The following DLG2 variants were observed in gnomAD, a reference collection of about 807,000 sequenced individuals.
DLG2 encodes the protein disks large homolog 2.
In DLG2, 45 loss-of-function variants were observed where a neutral mutation model predicts 132.5. That is an observed-to-expected ratio of 0.34 (90% CI 0.27 to 0.44). DLG2 has a LOEUF of 0.44. Among genes scored for constraint, DLG2 ranks in the 20% least tolerant of loss-of-function variants. The pLI, the probability that DLG2 is intolerant of heterozygous loss-of-function variation, is 1.00. For missense variants in DLG2, 1,045 were observed against 1,196.9 expected (o/e 0.87, Z 1.87); for synonymous variants, 424 against 419.6 (o/e 1.01, Z -0.13).
intron 6 of DLG2, among the ~76,000 whole-genome samples, chr11:84,678,420 A>G (rs1338200225): frequency 1.3e-5 from 2 of 152,058 alleles, no homozygotes; most frequent in African/African-American, 2.4e-5. Context: ...GCCATTAAGG[A>G]AGTAGTATAT....
chr11:83,669,624 A>G (rs1209315364), intron 18 of DLG2, among the ~76,000 whole-genome samples: 2 of 152,152 alleles, frequency 1.3e-5, no homozygotes, highest in Non-Finnish European at 2.9e-5. Flanking sequence ...AAGTTTAACT[A>G]TTTTCATGTT....
At chr11:83,998,386 C>T (rs189328074) in intron 11 of DLG2, among the ~76,000 whole-genome samples, 1 of 152,258 alleles carries the variant, frequency 6.6e-6, no homozygotes, top group Non-Finnish European at 1.5e-5. Flanking sequence ...ACCAAAGAAC[C>T]AAAGTAGTGA....
At chr11:85,249,914 T>G (rs1035431118) in intron 4 of DLG2, among the ~76,000 whole-genome samples, 2 of 152,150 alleles carry the variant, frequency 1.3e-5, no homozygotes, top group African/African-American at 4.8e-5. Flanking sequence ...GGAGAATTTA[T>G]GTCGACATTT....
chr11:84,191,366 T>A (rs1411626311), intron 8 of DLG2, among the ~76,000 whole-genome samples: 2 of 152,206 alleles, frequency 1.3e-5, no homozygotes, highest in Admixed American at 6.5e-5. Context: ...GTATATGACT[T>A]TAACTGGCAA....
intron 6 of DLG2, among the ~76,000 whole-genome samples, chr11:84,972,702 T>C (rs1009323848): frequency 7.2e-5 from 11 of 152,202 alleles, no homozygotes; most frequent in African/African-American, 2.4e-4. Context: ...TTCTCCCGAA[T>C]ATTAAATTAA....
intron 17 of DLG2, chr11:83,790,521 C>A (rs1241628334): frequency 7.9e-6 from 10 of 1,273,192 alleles, no homozygotes; most frequent in Admixed American, 1.7e-5. Context: ...TCTTGCAACA[C>A]CAGGAGCAGA....
chr11:84,595,537 C>T (rs894026033), intron 6 of DLG2, among the ~76,000 whole-genome samples: 2 of 150,866 alleles, frequency 1.3e-5, no homozygotes, highest in African/African-American at 4.9e-5. Flanking sequence ...ATTCAAGCAA[C>T]TGAACCTTGT....
chr11:84,893,497 T>C (rs933377375), intron 6 of DLG2, among the ~76,000 whole-genome samples: 6 of 152,132 alleles, frequency 3.9e-5, no homozygotes, highest in African/African-American at 4.8e-5. Flanking sequence ...ACGAGGTGGT[T>C]CTTAGCCCAG....
intron 7 of DLG2, among the ~76,000 whole-genome samples, chr11:84,485,319 T>C (rs934668173): frequency 6.6e-6 from 1 of 152,174 alleles, no homozygotes; most frequent in African/African-American, 2.4e-5. Context: ...ATAATGAGAC[T>C]AAATAACATA....
chr11:84,448,129 G>A (rs909273402), intron 7 of DLG2, among the ~76,000 whole-genome samples: 11 of 151,982 alleles, frequency 7.2e-5, no homozygotes, highest in African/African-American at 2.4e-5. Context: ...AAAAAACACA[G>A]ACATTTAAAC....
chr11:84,516,701 T>G (rs2099274244), intron 7 of DLG2, among the ~76,000 whole-genome samples: 1 of 151,350 alleles, frequency 6.6e-6, no homozygotes, highest in South Asian at 2.1e-4. Context: ...TACTTCCAAA[T>G]TCATTTCATG....
chr11:84,538,372 G>A (rs2099360425), intron 6 of DLG2, among the ~76,000 whole-genome samples: 1 of 152,130 alleles, frequency 6.6e-6, no homozygotes, highest in East Asian at 1.9e-4. Context: ...CCCATTGAAG[G>A]CTCATATCTG....
At chr11:84,238,351 T>C (rs567078642) in intron 8 of DLG2, among the ~76,000 whole-genome samples, 3 of 151,900 alleles carry the variant, frequency 2.0e-5, no homozygotes, top group Non-Finnish European at 4.4e-5. Context: ...TCTATGTCTA[T>C]GAAAAATACA....
At chr11:84,941,683 TTTTC>T (rs1166815704) in intron 6 of DLG2, among the ~76,000 whole-genome samples, 12 of 150,618 alleles carry the variant, frequency 8.0e-5, no homozygotes, top group African/African-American at 2.2e-4. Flanking sequence ...TAGCCTGTAG[TTTTC>T]TTTCTTTCTC....
intron 6 of DLG2, among the ~76,000 whole-genome samples, chr11:84,684,269 G>C (rs181006071): frequency 2.0e-4 from 31 of 152,212 alleles, no homozygotes; most frequent in Admixed American, 7.9e-4. Flanking sequence ...TTTTCCTTTT[G>C]TCTTTCCTTG....
chr11:84,414,008 G>A (rs906864794), intron 7 of DLG2, among the ~76,000 whole-genome samples: 6 of 152,038 alleles, frequency 3.9e-5, no homozygotes, highest in Non-Finnish European at 8.8e-5. Flanking sequence ...AAGCCAATTC[G>A]ACAAAACACC....
At chr11:84,327,661 G>A (rs1173994778) in intron 7 of DLG2, among the ~76,000 whole-genome samples, 1 of 152,012 alleles carries the variant, frequency 6.6e-6, no homozygotes, top group African/African-American at 2.4e-5. Flanking sequence ...ATTTTAAGCT[G>A]ATAATAACTT....
chr11:83,633,046 C>T, intron 19 of DLG2, 165 bp downstream of exon 19: 1 of 593,774 alleles, frequency 1.7e-6, no homozygotes. Flanking sequence ...AATCTAATAA[C>T]ATTTCAAACA....
intron 10 of DLG2, among the ~76,000 whole-genome samples, chr11:84,084,646 G>C (rs542695340): frequency 3.2e-4 from 49 of 152,310 alleles, no homozygotes; most frequent in African/African-American, 1.2e-3. Flanking sequence ...ACTGGGCTTT[G>C]ACCTTGGGTT....
Sources: allele counts gnomAD v4.1 joint callset (sites outside exome capture counted in the v4.1 genomes callset), GRCh38; gene constraint gnomAD v4.1.1; transcripts MANE v1.5; gene names NCBI Gene and HGNC (gene_info 2026-07-23, HGNC 2026-07-21).